The following DEFB134 variants were observed in gnomAD, a reference collection of about 807,000 sequenced individuals.
DEFB134 encodes the protein beta-defensin 134.
In DEFB134, 7 loss-of-function variants were observed where a neutral mutation model predicts 7.4. The ratio of observed to expected loss-of-function variants is 0.95; its 90% CI spans 0.54 to 1.79. DEFB134 has a LOEUF of 1.79. Among genes scored for constraint, DEFB134 ranks in the 40% most tolerant of loss-of-function variants. DEFB134 has a pLI of 0.00. For missense variants in DEFB134, 105 were observed against 74.8 expected (o/e 1.40, Z -1.49); for synonymous variants, 33 against 25.0 (o/e 1.32, Z -0.96).
At chr8:11,995,897 T>C (rs1563114288) in intron 1 of DEFB134, among the ~76,000 whole-genome samples, 1 of 152,050 alleles carries the variant, frequency 6.6e-6, no homozygotes. Flanking sequence ...AGACTCTTCA[T>C]TTCCATATTT....
At chr8:11,994,256 T>A in intron 1 of DEFB134, 134 bp from the exon 3 acceptor site, 1 of 1,112,430 alleles carries the variant, frequency 9.0e-7, no homozygotes, top group Non-Finnish European at 1.3e-6. Context: ...ACTGAAAAAA[T>A]TAATTAGTGG....
At chr8:11,999,192 C>A, upstream of DEFB134, 1 of 194,852 alleles carries the variant, frequency 5.1e-6, no homozygotes. Context: ...TTCTTAGCAA[C>A]CAGCCAGTGA....
exon 2 of DEFB134, chr8:11,994,091 C>A (rs372085598): frequency 6.2e-7 from 1 of 1,613,270 alleles, no homozygotes; most frequent in East Asian, 2.2e-5. Context: ...TATAGCATTT[C>A]TTGTGCATTT....
At chr8:11,994,387 A>C (rs1800063349) in intron 1 of DEFB134, among the ~76,000 whole-genome samples, 1 of 152,146 alleles carries the variant, frequency 6.6e-6, no homozygotes, top group African/African-American at 2.4e-5. Flanking sequence ...TGATGGTGGA[A>C]CCCTAATCCA....
chr8:11,996,701 G>T (rs1230610683), upstream of DEFB134, among the ~76,000 whole-genome samples: 1 of 152,162 alleles, frequency 6.6e-6, no homozygotes. Context: ...TCATTCTAAA[G>T]AAAGTTTCAT....
Position 11,994,022 on chromosome 8 carries a change from CAT to C in DEFB134, c.157_158del (p.Met53ValfsTer16). On this transcript the variant is annotated frameshift_variant, in exon 2 of 2. Transcript: ENST00000526438. LOFTEE classifies it high-confidence loss of function. ...CTTTGACACAGCACTCCAGCTGAAA[CAT>C]ACAGTAGGCAACTAACATTTCACTC... is the stretch of plus-strand genomic sequence containing the variant. 6.2e-7 allele frequency: 1 copy of C among 1,613,934 alleles called. No homozygotes were observed.
upstream of DEFB134, among the ~76,000 whole-genome samples, chr8:11,998,318 G>T (rs1474863907): frequency 6.6e-6 from 1 of 151,894 alleles, no homozygotes; most frequent in Non-Finnish European, 1.5e-5. Flanking sequence ...AGGTGTGATG[G>T]TGCACGACTG....
At chr8:11,994,073 G>C in exon 2 of DEFB134, 2 of 1,613,642 alleles carry the variant, frequency 1.2e-6, no homozygotes, top group Non-Finnish European at 1.7e-6. Context: ...GTCTGCAGAT[G>C]CCATTTTTAT....
upstream of DEFB134, among the ~76,000 whole-genome samples, chr8:12,000,483 C>T (rs1391394445): frequency 6.6e-6 from 1 of 152,108 alleles, no homozygotes; most frequent in Non-Finnish European, 1.5e-5. Flanking sequence ...GGCTATGTTC[C>T]AAGACCCCCA....
upstream of DEFB134, among the ~76,000 whole-genome samples, chr8:11,998,783 T>G (rs1800192275): frequency 6.6e-6 from 1 of 152,156 alleles, no homozygotes; most frequent in Non-Finnish European, 1.5e-5. Flanking sequence ...ATAAGTCTGC[T>G]TATTTAGACT....
upstream of DEFB134, among the ~76,000 whole-genome samples, chr8:11,999,984 G>A (rs564488664): frequency 6.6e-6 from 1 of 152,278 alleles, no homozygotes; most frequent in African/African-American, 2.4e-5. Flanking sequence ...TTTCTTTAGG[G>A]TCATCATGCT....
At chr8:11,994,122 C>T (rs1475050676) in exon 2 of DEFB134, 1 of 1,608,716 alleles carries the variant, frequency 6.2e-7, no homozygotes, top group East Asian at 2.2e-5. Context: ...TGAATTTATA[C>T]CTGGAAGGAA....
intron 1 of DEFB134, 105 bp from the exon 3 acceptor site, chr8:11,994,227 T>G: frequency 7.4e-7 from 1 of 1,355,906 alleles, no homozygotes; most frequent in Non-Finnish European, 1.0e-6. Context: ...GAGATTTGGT[T>G]ATGATAATTG....
At chr8:11,998,636 T>TA (rs1171925575), upstream of DEFB134, among the ~76,000 whole-genome samples, 2 of 150,690 alleles carry the variant, frequency 1.3e-5, no homozygotes, top group African/African-American at 4.9e-5. Flanking sequence ...TTAGAAGAAC[T>TA]AAAAAAACAA....
In DEFB134 at chr8:11,994,126, G is replaced by C; in HGVS notation, c.59-4C>G. Reference sequence around the variant, plus strand: ...TCTGATGATAATGAATTTATACCTGGAAGGAAAATGAATAGAAAGATAATT... The same window carrying C: ...TCTGATGATAATGAATTTATACCTGCAAGGAAAATGAATAGAAAGATAATT... On this transcript the variant is annotated splice_region_variant and splice_polypyrimidine_tract_variant and intron_variant, in intron 1 of 1. Coordinates refer to ENST00000526438, the Ensembl canonical transcript of DEFB134. 1 of 1,607,970 alleles carries C rather than the reference G, an allele frequency of 6.2e-7. No individual in the cohort carries two copies. The highest frequency in any genetic ancestry group is 8.5e-7 in the Non-Finnish European group (1 of 1,178,100).
At chr8:11,993,793 T>C in exon 2 of DEFB134, 3 of 711,768 alleles carry the variant, frequency 4.2e-6, no homozygotes, top group Non-Finnish European at 6.2e-6. Flanking sequence ...ACCGAGCTCT[T>C]TTAAAGAAGG....
chr8:11,994,659 T>C (rs1309488268), intron 1 of DEFB134, among the ~76,000 whole-genome samples: 1 of 152,240 alleles, frequency 6.6e-6, no homozygotes, highest in Non-Finnish European at 1.5e-5. Flanking sequence ...TCAATGAATA[T>C]AACCCAAACA....
upstream of DEFB134, among the ~76,000 whole-genome samples, chr8:11,998,248 A>C (rs1800176855): frequency 6.6e-6 from 1 of 152,148 alleles, no homozygotes; most frequent in South Asian, 2.1e-4. Flanking sequence ...CAGGAGTTTA[A>C]GGCCACCTTG....
upstream of DEFB134, chr8:11,996,322 G>C: frequency 6.4e-7 from 1 of 1,564,270 alleles, no homozygotes; most frequent in Admixed American, 1.7e-5. Context: ...GAGAGAAGAG[G>C]TTGAGCACAC....
Sources: gnomAD v4.1 joint callset for allele counts (sites outside exome capture counted in the v4.1 genomes callset) on GRCh38, gnomAD v4.1.1 for gene constraint, MANE v1.5 for transcripts, NCBI Gene and HGNC (gene_info 2026-07-23, HGNC 2026-07-21) for gene names.